KCTD1: variants seen among roughly 807,000 people sequenced by gnomAD.
KCTD1 encodes potassium channel tetramerization domain containing 1, also known as BTB/POZ domain-containing protein KCTD1.
KCTD1 carries 24 observed loss-of-function variants against 66.0 expected under a neutral mutation model. The observed-to-expected ratio is 0.36, with a 90% CI of 0.26 to 0.51. KCTD1 has a LOEUF of 0.51. Among genes scored for constraint, KCTD1 ranks in the 20% least tolerant of loss-of-function variants. The pLI, the probability that KCTD1 is intolerant of heterozygous loss-of-function variation, is 0.95. For synonymous variants in KCTD1, 511 were observed against 517.2 expected (o/e 0.99, Z 0.16); for missense variants, 943 against 1,205.2 (o/e 0.78, Z 3.22).
intron 3 of KCTD1, among the ~76,000 whole-genome samples, chr18:26,472,304 T>C (rs1466600332): frequency 2.6e-5 from 4 of 152,174 alleles, no homozygotes; most frequent in South Asian, 2.1e-4. Context: ...CCAGGCTATA[T>C]ATAACTTAGC....
chr18:26,463,987 C>G (rs1356006478), intron 3 of KCTD1, among the ~76,000 whole-genome samples: 1 of 152,160 alleles, frequency 6.6e-6, no homozygotes, highest in Non-Finnish European at 1.5e-5. Flanking sequence ...CTCCAAAATG[C>G]AAACAGGCCA....
At chr18:26,496,822 T>C (rs1982500702) in intron 2 of KCTD1, among the ~76,000 whole-genome samples, 1 of 151,990 alleles carries the variant, frequency 6.6e-6, no homozygotes, top group South Asian at 2.1e-4. Flanking sequence ...TGAAAGCTAT[T>C]TTCTTTTGGT....
At chr18:26,567,596 T>C (rs536888590) in intron 1 of KCTD1, among the ~76,000 whole-genome samples, 2 of 150,792 alleles carry the variant, frequency 1.3e-5, no homozygotes, top group African/African-American at 4.9e-5. Context: ...CAAGCAATTC[T>C]CCTGCCTCAG....
chr18:26,556,806 C>G (rs1460458389), intron 1 of KCTD1, among the ~76,000 whole-genome samples: 1 of 152,208 alleles, frequency 6.6e-6, no homozygotes, highest in Non-Finnish European at 1.5e-5. Flanking sequence ...GGCACACATA[C>G]TTTCTGAACA....
chr18:26,627,995 C>A (rs1167398657), intron 1 of KCTD1, among the ~76,000 whole-genome samples: 3 of 152,116 alleles, frequency 2.0e-5, no homozygotes, highest in Admixed American at 6.6e-5. Flanking sequence ...TGCCTTGGCC[C>A]CCACCCCAGT....
rs749960662 is a variant in KCTD1, at chr18:26,503,626, G to A, written c.1810-2376C>T. The stretch of plus-strand genomic sequence containing the variant: ...CTATCCTGCCTGAGGGTGCTCAGGC[G>A]AAAATGAACAGATTTGCAGGGTTAA... On this transcript the variant is annotated intron_variant, in intron 1 of 4. Coordinates refer to ENST00000580059, the MANE Select transcript of KCTD1 (RefSeq NM_001142730.3). Among the ~76,000 whole-genome samples, 48 of 152,074 alleles carry A rather than the reference G, an allele frequency of 3.2e-4. 1 individual carries two copies. Among genetic ancestry groups the A allele is most frequent in the South Asian group, 8.3e-4 (4 of 4,830 alleles).
chr18:26,643,917 G>A (rs1479160354), upstream of KCTD1, among the ~76,000 whole-genome samples: 1 of 151,928 alleles, frequency 6.6e-6, no homozygotes, highest in Non-Finnish European at 1.5e-5. Context: ...AGCTGAGATA[G>A]CACCACTGCA....
chr18:26,467,298 G>A (rs1018752638), intron 3 of KCTD1, among the ~76,000 whole-genome samples: 4 of 151,950 alleles, frequency 2.6e-5, no homozygotes, highest in Admixed American at 2.6e-4. Context: ...CAGGAGGATT[G>A]CTTGAGCCTA....
intron 3 of KCTD1, among the ~76,000 whole-genome samples, chr18:26,472,136 G>A (rs994614371): frequency 2.0e-4 from 31 of 152,106 alleles, no homozygotes; most frequent in Admixed American, 1.1e-3. Context: ...TGGTGGCAGA[G>A]GGGGAGGCAG....
Position 26,455,633 on chromosome 18 carries a change from G to T in KCTD1, c.*110C>A. ...TTGGATATAAATGTGTCTTTTATTCGATTTTACGTCCAGGACTTGGTTTGC... is the reference window on the plus strand; with the variant it reads ...TTGGATATAAATGTGTCTTTTATTCTATTTTACGTCCAGGACTTGGTTTGC... On this transcript the variant is annotated 3_prime_UTR_variant, in exon 5 of 5. Transcript: ENST00000580059. The T allele has an allele frequency of 7.2e-7, 1 of 1,385,136 alleles. No homozygotes were observed. Among genetic ancestry groups the T allele is most frequent in the South Asian group, 1.2e-5 (1 of 81,894 alleles). The allele number at this position is 1,385,136 out of a possible 1,614,324, so 85.8% of individuals were successfully genotyped here. A position where few individuals can be genotyped will look rare whatever the true frequency, so the allele number is the denominator to read the frequency against.
intron 1 of KCTD1, among the ~76,000 whole-genome samples, chr18:26,530,764 T>C (rs1984397062): frequency 6.6e-6 from 1 of 152,210 alleles, no homozygotes; most frequent in African/African-American, 2.4e-5. Context: ...ACACAGTAGG[T>C]ATGTAACAAC....
Position 26,601,858 on chromosome 18 carries a change from C to T in KCTD1, c.-16+27289G>A, listed in dbSNP as rs746865553. ...TAGTATTGATCTTGTATCATGCAAC[C>T]TTGCAGAACTTGTTTGTTTTTATCA... On this transcript the variant is annotated intron_variant, in intron 1 of 4. Coordinates refer to the KCTD1 transcript ENST00000317932. 6.2e-4 allele frequency among the ~76,000 whole-genome samples: 95 copies of T among 152,118 alleles called. 1 individual carries two copies. The highest frequency in any genetic ancestry group is 7.9e-4 in the Non-Finnish European group (54 of 67,990).
intron 3 of KCTD1, among the ~76,000 whole-genome samples, chr18:26,461,289 T>C (rs1212886086): frequency 6.6e-6 from 1 of 152,196 alleles, no homozygotes; most frequent in Non-Finnish European, 1.5e-5. Context: ...CCACTTTCCA[T>C]ATAAAGAAAC....
intron 1 of KCTD1, among the ~76,000 whole-genome samples, chr18:26,522,697 G>A (rs983175254): frequency 6.6e-6 from 1 of 152,124 alleles, no homozygotes; most frequent in Non-Finnish European, 1.5e-5. Flanking sequence ...CAGCGAATCT[G>A]CTTGGAGCTC....
chr18:26,618,638 G>A (rs538273928), intron 1 of KCTD1, among the ~76,000 whole-genome samples: 1 of 152,300 alleles, frequency 6.6e-6, no homozygotes, highest in South Asian at 2.1e-4. Flanking sequence ...TTCTGTACAC[G>A]ACTCGATGTG....
At chr18:26,656,306 C>G (rs1384957796) in intron 1 of KCTD1, among the ~76,000 whole-genome samples, 1 of 152,200 alleles carries the variant, frequency 6.6e-6, no homozygotes, top group East Asian at 1.9e-4. Flanking sequence ...ATCCTTCCCC[C>G]GTCCCAGCGC....
intron 2 of KCTD1, among the ~76,000 whole-genome samples, chr18:26,478,072 T>A (rs1169363910): frequency 6.6e-6 from 1 of 152,194 alleles, no homozygotes; most frequent in African/African-American, 2.4e-5. Context: ...TTACTTGTAG[T>A]GTTTCCAGGA....
At chr18:26,584,941 T>A (rs138133843) in intron 1 of KCTD1, among the ~76,000 whole-genome samples, 82 of 152,248 alleles carry the variant, frequency 5.4e-4, no homozygotes, top group African/African-American at 1.8e-3. Context: ...GAGCACGTAG[T>A]CCTGCTGGAG....
Position 26,534,743 on chromosome 18 carries a change from G to T in KCTD1, c.1809+11985C>A, listed in dbSNP as rs145390286. ...AAGATCATTCAGGTCAATGATTCAT[G>T]TAACTTTAACTTGGTCTATCCCTTG... is the stretch of plus-strand genomic sequence containing the variant. On this transcript the variant is annotated intron_variant, in intron 1 of 4. Transcript: ENST00000580059. 7.8e-4 allele frequency among the ~76,000 whole-genome samples: 118 copies of T among 152,250 alleles called. No homozygotes were observed. The East Asian group carries it at 0.023, about 29-fold the overall frequency.
Sources: gnomAD v4.1 joint callset for allele counts (sites outside exome capture counted in the v4.1 genomes callset) on GRCh38, gnomAD v4.1.1 for gene constraint, MANE v1.5 for transcripts, NCBI Gene and HGNC (gene_info 2026-07-23, HGNC 2026-07-21) for gene names.